RGS7: variants seen among roughly 807,000 people sequenced by gnomAD.
The protein encoded by RGS7 is regulator of G protein signaling 7, also known as regulator of G-protein signaling 7.
A neutral mutation model predicts 81.1 loss-of-function variants in RGS7; 27 were observed. That is an observed-to-expected ratio of 0.33 (90% CI 0.25 to 0.46). The LOEUF is 0.46. RGS7 is among the 20% of genes least tolerant of loss of function. The pLI, the probability that RGS7 is intolerant of heterozygous loss-of-function variation, is 1.00. For missense variants in RGS7, 396 were observed against 607.4 expected (o/e 0.65, Z 3.66); for synonymous variants, 208 against 207.7 (o/e 1.00, Z -0.01).
At chr1:241,089,063 CTATA>C (rs1161090389) in intron 3 of RGS7, among the ~76,000 whole-genome samples, 2,220 of 23,206 alleles carry the variant, frequency 0.096, 175 homozygotes, top group Non-Finnish European at 0.12. Context: ...CTCTCTCTCT[CTATA>C]TATATATATA....
intron 6 of RGS7, chr1:240,920,632 G>A (rs1450917373): frequency 3.2e-5 from 36 of 1,118,320 alleles, no homozygotes; most frequent in Non-Finnish European, 3.6e-5. Context: ...AAAGCTTAGC[G>A]GAAGAGGAGA....
At chr1:241,337,878 T>G (rs2082334169) in intron 2 of RGS7, among the ~76,000 whole-genome samples, 1 of 152,224 alleles carries the variant, frequency 6.6e-6, no homozygotes, top group Non-Finnish European at 1.5e-5. Context: ...TGCAGGGACA[T>G]TAACATGTTC....
chr1:241,209,018 C>A (rs773367828), intron 2 of RGS7, among the ~76,000 whole-genome samples: 2 of 152,212 alleles, frequency 1.3e-5, no homozygotes, highest in Non-Finnish European at 2.9e-5. Context: ...CATGCAGAAA[C>A]TATGTTCTCA....
chr1:240,897,644 G>A (rs1248314741), intron 6 of RGS7, among the ~76,000 whole-genome samples: 1 of 152,160 alleles, frequency 6.6e-6, no homozygotes, highest in Non-Finnish European at 1.5e-5. Context: ...ACTTGACCAT[G>A]GTGGATAAGC....
intron 2 of RGS7, among the ~76,000 whole-genome samples, chr1:241,276,281 C>T (rs190827698): frequency 2.9e-4 from 44 of 152,212 alleles, no homozygotes; most frequent in African/African-American, 4.3e-4. Flanking sequence ...TACAGATCAA[C>T]GATCAAAACA....
rs547167147 is a variant in RGS7 at position 241,296,415 on chromosome 1, C to G, written c.78+59284G>C. On this transcript the variant is annotated intron_variant, in intron 2 of 18. Coordinates refer to ENST00000440928, the MANE Select transcript of RGS7 (RefSeq NM_001364886.1). ...GAGGCTGCACACTGACAAGTCGCTA[C>G]TGGAAATAGTGATTAGGCGCTCAAG... Among the ~76,000 whole-genome samples the G allele has an allele frequency of 7.4e-4, 112 of 152,220 alleles. 3 individuals are homozygous for G. The highest frequency in any genetic ancestry group is 2.5e-3 in the South Asian group (12 of 4,816).
rs1052251373 is a variant in RGS7 at position 241,034,482 on chromosome 1, C to T, written c.176-51353G>A. Among the ~76,000 whole-genome samples the T allele has an allele frequency of 4.6e-5, 7 of 152,208 alleles. No homozygotes were observed. In the East Asian group the frequency reaches 5.8e-4, roughly 13 times the overall value. ...AGGCTTAGAAATGTGCGATGGAACA[C>T]GATGTTACAAAGCTATTGTTCCTGT... On this transcript the variant is annotated intron_variant, in intron 3 of 18. Coordinates refer to ENST00000440928, the MANE Select transcript of RGS7 (RefSeq NM_001364886.1).
At chr1:240,777,885 A>ATCTAATGACCTTCCAAAGGCCCTGT (rs1558234059) in intron 18 of RGS7, among the ~76,000 whole-genome samples, 1 of 113,930 alleles carries the variant, frequency 8.8e-6, no homozygotes, top group African/African-American at 3.3e-5. Context: ...AAAGGCCCTG[A>ATCTAATGACCTTCCAAAGGCCCTGT]CTCCTAATAC....
intron 2 of RGS7, among the ~76,000 whole-genome samples, chr1:241,114,948 C>T (rs565187264): frequency 6.6e-6 from 1 of 152,154 alleles, no homozygotes; most frequent in Non-Finnish European, 1.5e-5. Context: ...TTCTTCTTTC[C>T]TTTCTCACAC....
chr1:241,208,882 G>T (rs970757762), intron 2 of RGS7, among the ~76,000 whole-genome samples: 2 of 152,180 alleles, frequency 1.3e-5, no homozygotes, highest in African/African-American at 4.8e-5. Flanking sequence ...ATGCTTGACT[G>T]TTTTAACTGC....
chr1:241,281,362 T>A (rs1240310272), intron 2 of RGS7, among the ~76,000 whole-genome samples: 1 of 152,246 alleles, frequency 6.6e-6, no homozygotes, highest in Non-Finnish European at 1.5e-5. Context: ...GTTGTGAGTA[T>A]CCACTTAAAA....
intron 3 of RGS7, among the ~76,000 whole-genome samples, chr1:241,031,238 G>A (rs2060071835): frequency 6.6e-6 from 1 of 152,126 alleles, no homozygotes; most frequent in Non-Finnish European, 1.5e-5. Flanking sequence ...CTATTTCTGA[G>A]TTATTTCACT....
At chr1:241,103,589 A>C (rs1410199032) in intron 2 of RGS7, among the ~76,000 whole-genome samples, 1 of 152,208 alleles carries the variant, frequency 6.6e-6, no homozygotes, top group Non-Finnish European at 1.5e-5. Context: ...AAATAAAACC[A>C]GGCCAGGCTC....
chr1:240,851,094 C>T (rs1190453011), intron 9 of RGS7, among the ~76,000 whole-genome samples: 1 of 152,168 alleles, frequency 6.6e-6, no homozygotes, highest in African/African-American at 2.4e-5. Context: ...GAGCTTTCTA[C>T]AGGAAGAAGA....
rs74150255 is a variant in RGS7, at chr1:241,303,919, G to A, written c.78+51780C>T. Among the ~76,000 whole-genome samples, 1,024 of 152,298 alleles carry A rather than the reference G, an allele frequency of 6.7e-3. 10 individuals are homozygous for A. Among genetic ancestry groups the A allele is most frequent in the African/African-American group, 0.022 (934 of 41,550 alleles). ...TTCTTCATAGGTGCAGGTGGTGCAC[G>A]TCCATCAGAAGGAACTGTCATGCTG... On this transcript the variant is annotated intron_variant, in intron 2 of 18. Transcript: ENST00000440928.
intron 2 of RGS7, among the ~76,000 whole-genome samples, chr1:241,236,746 C>A (rs1295064435): frequency 6.6e-6 from 1 of 152,276 alleles, no homozygotes; most frequent in Admixed American, 6.5e-5. Flanking sequence ...ATTAAACTTG[C>A]AGCCGAGAAA....
chr1:240,876,157 A>G (rs1315605257), intron 6 of RGS7, among the ~76,000 whole-genome samples: 1 of 152,208 alleles, frequency 6.6e-6, no homozygotes, highest in African/African-American at 2.4e-5. Flanking sequence ...ATAGCTAGAC[A>G]GCCTGCCTCT....
intron 3 of RGS7, among the ~76,000 whole-genome samples, chr1:241,042,830 C>T (rs1475521468): frequency 1.3e-5 from 2 of 151,916 alleles, no homozygotes; most frequent in Admixed American, 1.3e-4. Flanking sequence ...ATCCCAGCTA[C>T]TTGGGAGGCT....
chr1:241,034,284 G>A (rs1038476224), intron 3 of RGS7, among the ~76,000 whole-genome samples: 6 of 152,130 alleles, frequency 3.9e-5, no homozygotes, highest in East Asian at 1.9e-4. Flanking sequence ...CCATTCATAC[G>A]CTTATATTTT....
Sources: allele counts gnomAD v4.1 joint callset (sites outside exome capture counted in the v4.1 genomes callset), GRCh38; gene constraint gnomAD v4.1.1; transcripts MANE v1.5; gene names NCBI Gene and HGNC (gene_info 2026-07-23, HGNC 2026-07-21).